Variants in MTM1 observed in about 807,000 individuals in gnomAD.
MTM1 encodes myotubularin 1, also known as myotubularin.
MTM1 carries 9 observed loss-of-function variants against 52.1 expected under a neutral mutation model. That is an observed-to-expected ratio of 0.17 (90% CI 0.10 to 0.30). The LOEUF (loss-of-function observed/expected upper bound fraction) is 0.30. Ranked by LOEUF, MTM1 falls within the 10% of genes least tolerant of loss-of-function variation. The probability of loss-of-function intolerance (pLI) is 1.00; values close to 1 mark genes in which losing one functional copy is unlikely to be tolerated. For synonymous variants in MTM1, 136 were observed against 163.8 expected (o/e 0.83, Z 1.29); for missense variants, 277 against 470.7 (o/e 0.59, Z 3.81).
Position 150,583,912 on chromosome X carries a change from A to ATT in MTM1, c.-10-8693_-10-8692insTT, listed in dbSNP as rs1389294822. Among the ~76,000 whole-genome samples, 3 of 37,631 alleles carry ATT rather than the reference A, an allele frequency of 8.0e-5. No individual in the cohort carries two copies. The South Asian group carries it at 6.0e-3, about 76-fold the overall frequency. 32.7% of individuals were successfully genotyped at this position (37,631 alleles called of 115,157 possible). A position where few individuals can be genotyped will look rare whatever the true frequency, so the allele number is the denominator to read the frequency against. Reference sequence around the variant, plus strand: ...ATATATATTTGATATATATATATATAATATAAAATATATATTAAATTAAAA... The same window carrying ATT: ...ATATATATTTGATATATATATATATATTATATAAAATATATATTAAATTAAAA... On this transcript the variant is annotated intron_variant, in intron 1 of 14. Coordinates refer to ENST00000370396, the MANE Select transcript of MTM1 (RefSeq NM_000252.3).
At chrX:150,620,399 C>T (rs1329577884) in intron 6 of MTM1, among the ~76,000 whole-genome samples, 2 of 112,214 alleles carry the variant, frequency 1.8e-5, no homozygotes, top group African/African-American at 3.2e-5. Flanking sequence ...CACTTCATTG[C>T]CAAACTTCTG....
At chrX:150,627,198 C>A (rs2039584463) in intron 6 of MTM1, among the ~76,000 whole-genome samples, 1 of 112,100 alleles carries the variant, frequency 8.9e-6, no homozygotes. Context: ...GAAGACCCTA[C>A]AAGTTAGAAA....
intron 2 of MTM1, among the ~76,000 whole-genome samples, chrX:150,595,955 A>G (rs2038968296): frequency 8.9e-6 from 1 of 112,286 alleles, no homozygotes; most frequent in African/African-American, 3.2e-5. Context: ...TCTTATTAGG[A>G]CAGGGATCTT....
intron 6 of MTM1, among the ~76,000 whole-genome samples, chrX:150,637,032 T>G (rs1190334712): frequency 1.8e-5 from 2 of 112,087 alleles, no homozygotes; most frequent in African/African-American, 3.2e-5. Context: ...ATCGCTTAGC[T>G]AGGTCAGCAT....
At chrX:150,639,075 C>T in intron 7 of MTM1, 49 bp downstream of exon 7, 1 of 957,720 alleles carries the variant, frequency 1.0e-6, no homozygotes, top group Non-Finnish European at 1.5e-6. Flanking sequence ...CTGAAACATG[C>T]ATTATGACAG....
chrX:150,598,318 G>A (rs941168952), intron 3 of MTM1, among the ~76,000 whole-genome samples: 2 of 111,134 alleles, frequency 1.8e-5, no homozygotes, highest in African/African-American at 6.6e-5. Context: ...CACTTCTATT[G>A]TCACCTTGCC....
At chrX:150,664,761 A>G (rs782698340) in intron 14 of MTM1, among the ~76,000 whole-genome samples, 21 of 112,580 alleles carry the variant, frequency 1.9e-4, no homozygotes, top group Non-Finnish European at 3.0e-4. Context: ...CCTTATTAAA[A>G]AATGTTTTTA....
At chrX:150,633,144 T>G (rs1298351774) in intron 6 of MTM1, among the ~76,000 whole-genome samples, 2 of 112,333 alleles carry the variant, frequency 1.8e-5, no homozygotes, top group Non-Finnish European at 3.8e-5. Flanking sequence ...CCAAAATAGT[T>G]TCAAATGACA....
At chrX:150,623,242 G>A (rs1307517587) in intron 6 of MTM1, among the ~76,000 whole-genome samples, 2 of 111,354 alleles carry the variant, frequency 1.8e-5, no homozygotes, top group Non-Finnish European at 3.8e-5. Context: ...TTAACAGGAT[G>A]TCATGGGTGT....
chrX:150,663,902 G>A (rs892089636), intron 14 of MTM1, among the ~76,000 whole-genome samples: 11 of 111,748 alleles, frequency 9.8e-5, no homozygotes, highest in African/African-American at 3.3e-4. Flanking sequence ...ATCACTTGAA[G>A]TAGTTATTCA....
chrX:150,641,467 A>G (rs782667044), intron 8 of MTM1, 49 bp downstream of exon 8: 1 of 1,174,141 alleles, frequency 8.5e-7, no homozygotes, highest in Admixed American at 2.2e-5. Context: ...TTTAGTCCAT[A>G]AGAATGGTAG....
At chrX:150,614,139 A>G (rs984518182) in intron 4 of MTM1, among the ~76,000 whole-genome samples, 2 of 112,364 alleles carry the variant, frequency 1.8e-5, no homozygotes. Flanking sequence ...GCCAAGGCGA[A>G]AGTCATGGGG....
intron 1 of MTM1, among the ~76,000 whole-genome samples, chrX:150,583,063 TTA>T (rs1285572517): frequency 1.1e-5 from 1 of 88,714 alleles, no homozygotes; most frequent in Non-Finnish European, 2.1e-5. Context: ...AATTTATAAT[TTA>T]TATATTTAAA....
Position 150,657,080 on chromosome X carries a change from C to G in MTM1, c.1054-741C>G, listed in dbSNP as rs1252769108. Among the ~76,000 whole-genome samples, 3 of 110,376 alleles carry G rather than the reference C, an allele frequency of 2.7e-5. No individual in the cohort carries two copies. In the Admixed American group the frequency reaches 2.9e-4, roughly 11 times the overall value. On this transcript the variant is annotated intron_variant, in intron 10 of 14. Coordinates refer to ENST00000370396, the MANE Select transcript of MTM1 (RefSeq NM_000252.3). The stretch of plus-strand genomic sequence containing the variant: ...GACAGTGTGGCGATTCCTCAGGGAT[C>G]TAGAACTAGAAATACCATTTGACCC...
intron 6 of MTM1, among the ~76,000 whole-genome samples, chrX:150,631,758 CATCTATTTGGA>C (rs1180684867): frequency 1.9e-5 from 2 of 104,784 alleles, no homozygotes; most frequent in Non-Finnish European, 3.9e-5. Flanking sequence ...TTAAGTATTT[CATCTATTTGGA>C]ATTTATTTGG....
chrX:150,642,746 A>T (rs2039869876), intron 8 of MTM1, among the ~76,000 whole-genome samples: 1 of 111,410 alleles, frequency 9.0e-6, no homozygotes, highest in African/African-American at 3.3e-5. Flanking sequence ...CATTCAGTTC[A>T]TATTTATTGA....
chrX:150,592,846 CTTT>C (rs1184716210), intron 2 of MTM1, among the ~76,000 whole-genome samples, 169 bp downstream of exon 2: 1 of 99,651 alleles, frequency 1.0e-5, no homozygotes, highest in Admixed American at 1.1e-4. Flanking sequence ...TCTAGAAAAG[CTTT>C]TTTTTTTTTT....
intron 14 of MTM1, among the ~76,000 whole-genome samples, chrX:150,666,188 T>C (rs1304234414): frequency 2.7e-5 from 3 of 112,418 alleles, no homozygotes; most frequent in African/African-American, 9.7e-5. Context: ...AAGTGAGAAG[T>C]TGAGGTATAA....
In MTM1 at chrX:150,655,842, A is replaced by T. The variant is rs192007889; in HGVS notation, c.1054-1979A>T. Among the ~76,000 whole-genome samples the T allele has an allele frequency of 2.7e-5, 3 of 112,052 alleles. No homozygotes were observed. The Admixed American group carries it at 2.8e-4, about 11-fold the overall frequency. On this transcript the variant is annotated intron_variant, in intron 10 of 14. Coordinates refer to ENST00000370396, the MANE Select transcript of MTM1 (RefSeq NM_000252.3). ...AATTGCACAACTGTATAAATTTGCT[A>T]AATCTTATTGCACTCACACTCAGGA...
Sources: allele counts gnomAD v4.1 joint callset (sites outside exome capture counted in the v4.1 genomes callset), GRCh38; gene constraint gnomAD v4.1.1; transcripts MANE v1.5; gene names NCBI Gene and HGNC (gene_info 2026-07-23, HGNC 2026-07-21).